Variants in C12orf56 observed in about 807,000 individuals in gnomAD.
C12orf56 encodes uncharacterized protein C12orf56.
In C12orf56, 71 loss-of-function variants were observed where a neutral mutation model predicts 69.9. The observed-to-expected ratio is 1.02, with a 90% CI of 0.84 to 1.24. C12orf56 has a LOEUF of 1.24. Ranked by LOEUF, C12orf56 falls within the 50% of genes most tolerant of loss-of-function variation. The pLI is 0.00. For synonymous variants in C12orf56, 276 were observed against 274.1 expected (o/e 1.01, Z -0.07); for missense variants, 732 against 738.5 (o/e 0.99, Z 0.10).
intron 1 of C12orf56, among the ~76,000 whole-genome samples, chr12:64,372,057 A>G (rs1468292686): frequency 6.6e-6 from 1 of 152,080 alleles, no homozygotes; most frequent in Non-Finnish European, 1.5e-5. Flanking sequence ...CTAGGATTAC[A>G]GGCATGAGCC....
intron 2 of C12orf56, among the ~76,000 whole-genome samples, chr12:64,340,768 A>T (rs771661538): frequency 3.3e-5 from 5 of 152,328 alleles, no homozygotes; most frequent in Non-Finnish European, 4.4e-5. Flanking sequence ...CATAGCTGGT[A>T]TTGATGACTA....
At chr12:64,277,848 G>T in intron 8 of C12orf56, 45 bp from the exon 9 acceptor site, 1 of 1,421,412 alleles carries the variant, frequency 7.0e-7, no homozygotes, top group South Asian at 1.8e-5. Flanking sequence ...AAAGTGTTGA[G>T]AGGAAAAATG....
At chr12:64,328,033 A>G (rs190652972) in intron 3 of C12orf56, among the ~76,000 whole-genome samples, 11 of 152,146 alleles carry the variant, frequency 7.2e-5, no homozygotes, top group Non-Finnish European at 2.9e-5. Context: ...AAAGAAAGTT[A>G]TAATAATAAT....
intron 2 of C12orf56, chr12:64,352,226 A>G (rs1390746551): frequency 6.6e-6 from 1 of 151,734 alleles, no homozygotes; most frequent in East Asian, 1.9e-4. Flanking sequence ...TCATTTTGAT[A>G]CATGTTTTCT....
chr12:64,315,774 T>A (rs566752336), intron 4 of C12orf56, among the ~76,000 whole-genome samples: 213 of 152,032 alleles, frequency 1.4e-3, no homozygotes, highest in African/African-American at 5.0e-3. Flanking sequence ...TCTACTAAAA[T>A]ACAAAAATTA....
intron 6 of C12orf56, among the ~76,000 whole-genome samples, chr12:64,296,741 A>C (rs181567668): frequency 3.9e-5 from 6 of 152,346 alleles, no homozygotes; most frequent in African/African-American, 1.4e-4. Flanking sequence ...TCCCCAATGC[A>C]ACAGTGTTGA....
intron 1 of C12orf56, among the ~76,000 whole-genome samples, chr12:64,354,615 G>A (rs966338623): frequency 3.3e-5 from 5 of 151,658 alleles, no homozygotes; most frequent in South Asian, 2.1e-4. Context: ...CTGCCACCAC[G>A]CCTGGCTAAT....
At chr12:64,267,901 C>G (rs1309131659) in intron 12 of C12orf56, among the ~76,000 whole-genome samples, 4 of 152,068 alleles carry the variant, frequency 2.6e-5, no homozygotes, top group Non-Finnish European at 5.9e-5. Flanking sequence ...TTGAGTATCT[C>G]TTATCCAAAA....
At chr12:64,366,978 T>C (rs192207976) in intron 1 of C12orf56, among the ~76,000 whole-genome samples, 9,664 of 96,342 alleles carry the variant, frequency 0.1, 937 homozygotes, top group East Asian at 0.29. Context: ...ACACTTTATA[T>C]ATTATATATA....
chr12:64,383,179 T>C (rs182957810), intron 1 of C12orf56, among the ~76,000 whole-genome samples: 21 of 151,822 alleles, frequency 1.4e-4, no homozygotes, highest in African/African-American at 2.7e-4. Flanking sequence ...TAGCCGAGCA[T>C]GGTGGAGTGT....
intron 1 of C12orf56, among the ~76,000 whole-genome samples, chr12:64,383,358 A>AGG (rs2039746238): frequency 1.3e-5 from 2 of 151,086 alleles, no homozygotes; most frequent in African/African-American, 4.9e-5. Context: ...GTTTAATTGG[A>AGG]TTTTCCTGAT....
intron 4 of C12orf56, 44 bp from the exon 5 acceptor site, chr12:64,312,796 G>A (rs1352376526): frequency 7.4e-7 from 1 of 1,347,098 alleles, no homozygotes; most frequent in Admixed American, 2.0e-5. Flanking sequence ...TTTATTTACT[G>A]AAGATCAATT....
rs566773723 is a variant in C12orf56 at position 64,287,258 on chromosome 12, A to AGAAGAAGAAG, written c.1114-1199_1114-1198insCTTCTTCTTC. Among the ~76,000 whole-genome samples, 253 of 132,226 alleles carry AGAAGAAGAAG rather than the reference A, an allele frequency of 1.9e-3. 3 individuals carry two copies. The highest frequency in any genetic ancestry group is 6.1e-3 in the African/African-American group (220 of 35,966). 86.7% of individuals were successfully genotyped at this position (132,226 alleles called of 152,430 possible). A position where few individuals can be genotyped will look rare whatever the true frequency, so the allele number is the denominator to read the frequency against. ...GAGACTCCATCAAAAAAAAAAAAAA[A>AGAAGAAGAAG]AAAAAGAAGAAGAAGAAGAAGAAGA... On this transcript the variant is annotated intron_variant, in intron 6 of 12. Transcript: ENST00000543942.
At chr12:64,349,474 T>C (rs1175632185) in intron 2 of C12orf56, among the ~76,000 whole-genome samples, 1 of 152,096 alleles carries the variant, frequency 6.6e-6, no homozygotes, top group African/African-American at 2.4e-5. Flanking sequence ...GAACTAGAAA[T>C]AGAACTACCA....
chr12:64,303,755 G>C lies in C12orf56; in HGVS notation c.993C>G (p.Phe331Leu). Reference sequence around the variant, plus strand: ...GAAAAAGTTCAGATTTAAGTTGACTGAAGTGCTTAATTTTCTCCTCAGACC... The same window carrying C: ...GAAAAAGTTCAGATTTAAGTTGACTCAAGTGCTTAATTTTCTCCTCAGACC... ...PYRSEEKIKH[F>L]SQLKSELFLK... The change falls in exon 6 of 13, where the codon TTC becomes TTG. Residue 331 changes from phenylalanine to leucine, a missense_variant. Transcript: ENST00000543942. The C allele has an allele frequency of 6.3e-7, 1 of 1,587,734 alleles. No individual in the cohort carries two copies. Among genetic ancestry groups the C allele is most frequent in the Non-Finnish European group, 8.6e-7 (1 of 1,169,432 alleles).
intron 5 of C12orf56, among the ~76,000 whole-genome samples, chr12:64,306,811 A>G (rs1388643542): frequency 6.6e-6 from 1 of 152,162 alleles, no homozygotes; most frequent in Non-Finnish European, 1.5e-5. Flanking sequence ...ACTGTGTATG[A>G]TTTTCACAGT....
At position 64,277,807 on chromosome 12, in the gene C12orf56, G is replaced by GA. The variant is rs767313383; in HGVS notation, c.1311-5dup. 20 of 1,533,238 alleles carry GA rather than the reference G, an allele frequency of 1.3e-5. No homozygotes were observed. The East Asian group carries it at 2.3e-4, about 18-fold the overall frequency. The allele number at this position is 1,533,238 out of a possible 1,614,324, so 95.0% of individuals were successfully genotyped here. A position where few individuals can be genotyped will look rare whatever the true frequency, so the allele number is the denominator to read the frequency against. ...CAAGAGATTAAATAGTGCTCCCCTGGAAAAAAATAAATAAAAGGCAATTAG... is the reference window on the plus strand; with the variant it reads ...CAAGAGATTAAATAGTGCTCCCCTGGAAAAAAAATAAATAAAAGGCAATTAG... On this transcript the variant is annotated splice_region_variant and splice_polypyrimidine_tract_variant and intron_variant, in intron 8 of 12. Coordinates refer to ENST00000543942, the MANE Select transcript of C12orf56 (RefSeq NM_001170633.2).
chr12:64,352,979 G>A lies in C12orf56; in HGVS notation c.330C>T (p.Thr110=), dbSNP rs370767966. The stretch of plus-strand genomic sequence containing the variant: ...ACTTTTTACACTCTTTTTTCAAAAC[G>A]GTTGAAGAATAGATGATACGAATGT... ...SQHIRIIYSS[T]VLKKECKKSN... Residue 110 remains threonine, a synonymous_variant, in exon 2 of 13, where the codon ACC becomes ACT. Coordinates refer to ENST00000543942, the MANE Select transcript of C12orf56 (RefSeq NM_001170633.2). 4.5e-5 allele frequency: 73 copies of A among 1,611,968 alleles called. No homozygotes were observed. Among genetic ancestry groups the A allele is most frequent in the Middle Eastern group, 1.6e-4 (1 of 6,072 alleles).
At chr12:64,313,274 A>AAAAAAAAAGAAAGAAAGAAAG (rs762664621) in intron 4 of C12orf56, among the ~76,000 whole-genome samples, 1 of 81,426 alleles carries the variant, frequency 1.2e-5, no homozygotes, top group African/African-American at 4.7e-5. Flanking sequence ...AAAAAAAAAA[A>AAAAAAAAAGAAAGAAAGAAAG]AAAGAAAGAA....
Sources: allele counts gnomAD v4.1 joint callset (sites outside exome capture counted in the v4.1 genomes callset), GRCh38; gene constraint gnomAD v4.1.1; transcripts MANE v1.5; gene names NCBI Gene and HGNC (gene_info 2026-07-23, HGNC 2026-07-21).